ADAMTS19: variants seen among roughly 807,000 people sequenced by gnomAD.
ADAMTS19 encodes A disintegrin and metalloproteinase with thrombospondin motifs 19.
In ADAMTS19, 93 loss-of-function variants were observed where a neutral mutation model predicts 153.3. The observed-to-expected ratio is 0.61, with a 90% CI of 0.51 to 0.72. ADAMTS19 has a LOEUF of 0.72. Ranked by LOEUF, ADAMTS19 falls within the 30% of genes least tolerant of loss-of-function variation. The pLI is 0.00. For missense variants in ADAMTS19, 1,482 were observed against 1,552.1 expected (o/e 0.95, Z 0.76); for synonymous variants, 600 against 556.6 (o/e 1.08, Z -1.10).
intron 2 of ADAMTS19, among the ~76,000 whole-genome samples, chr5:129,489,190 T>TTA: frequency 6.6e-6 from 1 of 152,296 alleles, no homozygotes; most frequent in Non-Finnish European, 1.5e-5. Flanking sequence ...GCTTTGGCAC[T>TTA]GTTCTTTGGG....
intron 7 of ADAMTS19, among the ~76,000 whole-genome samples, chr5:129,574,042 C>A (rs1040543450): frequency 1.3e-5 from 2 of 151,936 alleles, no homozygotes; most frequent in Admixed American, 6.6e-5. Flanking sequence ...TAAGCATCTA[C>A]TAAGTACCAC....
intron 2 of ADAMTS19, among the ~76,000 whole-genome samples, chr5:129,496,082 T>G (rs1388126892): frequency 6.6e-6 from 1 of 152,144 alleles, no homozygotes; most frequent in East Asian, 1.9e-4. Context: ...AGAAAGAATT[T>G]TGTTGGTACA....
chr5:129,522,332 CATATATATATATATATATATAT>C (rs1209637522), intron 3 of ADAMTS19, among the ~76,000 whole-genome samples: 3 of 58,620 alleles, frequency 5.1e-5, no homozygotes, highest in East Asian at 7.9e-4. Flanking sequence ...CACACACACA[CATATATATATATATATATATAT>C]ATATATATAT....
At chr5:129,683,409 T>TTA (rs147635091) in intron 17 of ADAMTS19, among the ~76,000 whole-genome samples, 5,620 of 151,482 alleles carry the variant, frequency 0.037, 309 homozygotes, top group African/African-American at 0.13. Context: ...ATTGAACTAT[T>TTA]TATATATATA....
At chr5:129,732,600 G>A (rs942857156) in intron 21 of ADAMTS19, among the ~76,000 whole-genome samples, 5 of 151,934 alleles carry the variant, frequency 3.3e-5, no homozygotes, top group African/African-American at 7.2e-5. Context: ...TTAGGAATAC[G>A]TTTAACTAAG....
chr5:129,496,243 G>A (rs1040693670), intron 2 of ADAMTS19, among the ~76,000 whole-genome samples: 12 of 152,072 alleles, frequency 7.9e-5, no homozygotes, highest in African/African-American at 1.2e-4. Context: ...GATGGTGCAA[G>A]TGGTAACGAG....
intron 10 of ADAMTS19, among the ~76,000 whole-genome samples, chr5:129,624,970 T>C (rs1408857980): frequency 2.0e-5 from 3 of 152,142 alleles, no homozygotes; most frequent in Non-Finnish European, 4.4e-5. Context: ...TTTCTCCTAA[T>C]GCTGTCCTTC....
At chr5:129,692,054 A>G (rs951636818) in intron 18 of ADAMTS19, among the ~76,000 whole-genome samples, 1 of 152,196 alleles carries the variant, frequency 6.6e-6, no homozygotes, top group African/African-American at 2.4e-5. Context: ...AACTGCATCT[A>G]TTCTGTAAGT....
chr5:129,731,404 G>A (rs1757439004), intron 21 of ADAMTS19, among the ~76,000 whole-genome samples: 1 of 152,074 alleles, frequency 6.6e-6, no homozygotes, highest in Admixed American at 6.6e-5. Context: ...CAAATACAAA[G>A]TTAAAGAAGT....
chr5:129,716,486 C>G (rs1756736384), intron 21 of ADAMTS19, among the ~76,000 whole-genome samples: 1 of 152,080 alleles, frequency 6.6e-6, no homozygotes, highest in Admixed American at 6.5e-5. Flanking sequence ...CATTAGCCAC[C>G]AAGCCCGGCC....
chr5:129,620,725 G>A lies in ADAMTS19; in HGVS notation c.1586G>A (p.Arg529Gln), dbSNP rs188910013. Residue 529 changes from arginine (R) to glutamine (Q), a missense_variant, in exon 9 of 23, where the codon CGA (arginine) becomes CAA (glutamine). By Grantham distance (43) the Arg-to-Gln change is conservative. Transcript: ENST00000274487. ...AATCTTGGTGACGTTTCATGGTCTC[G>A]ATGTAGCAAGGAAGATTTGGAAAGA... Reference protein sequence around the residue: ...GQNLGDVSWSRCSKEDLERFL... With the variant: ...GQNLGDVSWSQCSKEDLERFL... 51 of 1,612,668 alleles carry A rather than the reference G, an allele frequency of 3.2e-5. 1 individual carries two copies. In the East Asian group the frequency reaches 5.1e-4, roughly 16 times the overall value.
chr5:129,633,220 A>C (rs1323281315), intron 10 of ADAMTS19, among the ~76,000 whole-genome samples: 6 of 106,928 alleles, frequency 5.6e-5, no homozygotes, highest in African/African-American at 2.3e-4. Context: ...TGAAAGTTTC[A>C]ATTTACTTTT....
intron 7 of ADAMTS19, among the ~76,000 whole-genome samples, chr5:129,564,113 G>A (rs544217842): frequency 5.3e-4 from 81 of 152,168 alleles, no homozygotes; most frequent in Non-Finnish European, 8.7e-4. Context: ...TAGAGACAGC[G>A]TTCCAGGTGA....
intron 9 of ADAMTS19, among the ~76,000 whole-genome samples, chr5:129,621,614 C>T (rs1751778726): frequency 1.3e-5 from 2 of 152,202 alleles, no homozygotes; most frequent in African/African-American, 4.8e-5. Context: ...TCAGTAGCTG[C>T]ATCAGCAGCC....
chr5:129,547,813 C>G (rs771949996), intron 6 of ADAMTS19, among the ~76,000 whole-genome samples: 23 of 150,820 alleles, frequency 1.5e-4, no homozygotes, highest in Non-Finnish European at 2.6e-4. Context: ...CATGGTACTG[C>G]TACCAAAACA....
intron 2 of ADAMTS19, among the ~76,000 whole-genome samples, chr5:129,501,448 C>A (rs1346656193): frequency 1.3e-5 from 2 of 152,074 alleles, no homozygotes; most frequent in Non-Finnish European, 2.9e-5. Flanking sequence ...CCTGGCCTGG[C>A]TATTGATATC....
chr5:129,515,091 T>C (rs570798762), intron 3 of ADAMTS19, among the ~76,000 whole-genome samples: 11 of 152,052 alleles, frequency 7.2e-5, no homozygotes, highest in African/African-American at 2.6e-4. Flanking sequence ...CAAAAATGAG[T>C]TCACTGTAGG....
At chr5:129,480,134 G>T (rs1257441403) in intron 2 of ADAMTS19, among the ~76,000 whole-genome samples, 1 of 152,112 alleles carries the variant, frequency 6.6e-6, no homozygotes, top group Non-Finnish European at 1.5e-5. Flanking sequence ...TCCAGAAATA[G>T]TTCTACTTAA....
intron 11 of ADAMTS19, among the ~76,000 whole-genome samples, chr5:129,644,503 G>A (rs1561623257): frequency 6.6e-6 from 1 of 152,174 alleles, no homozygotes; most frequent in Non-Finnish European, 1.5e-5. Flanking sequence ...TTACATCTGA[G>A]AAGGTGCTTA....
Sources: allele counts gnomAD v4.1 joint callset (sites outside exome capture counted in the v4.1 genomes callset), GRCh38; gene constraint gnomAD v4.1.1; transcripts MANE v1.5; gene names NCBI Gene and HGNC (gene_info 2026-07-23, HGNC 2026-07-21).